The following MACF1 variants were observed in gnomAD, a reference collection of about 807,000 sequenced individuals.
MACF1 encodes the protein microtubule-actin cross-linking factor 1.
A neutral mutation model predicts 854.8 loss-of-function variants in MACF1; 193 were observed. The observed-to-expected ratio is 0.23, with a 90% CI of 0.20 to 0.25. The LOEUF (loss-of-function observed/expected upper bound fraction) is 0.25. MACF1 is among the 10% of genes least tolerant of loss of function. MACF1 has a pLI of 1.00. For synonymous variants in MACF1, 3,185 were observed against 3,226.7 expected (o/e 0.99, Z 0.44); for missense variants, 7,722 against 8,929.1 (o/e 0.86, Z 5.45).
chr1:39,422,853 C>T lies in MACF1; in HGVS notation c.16102C>T (p.Pro5368Ser), dbSNP rs1643590709. The change falls in exon 60 of 101, where the codon CCA becomes TCA. Residue 5368 changes from proline (P) to serine (S), a missense_variant. Pro to Ser is a moderately conservative substitution (Grantham distance 74, BLOSUM62 -1). Coordinates refer to ENST00000564288, the MANE Select transcript of MACF1 (RefSeq NM_001394062.1). ...GGAGCTCATAGCCAATCAGAAACCT[C>T]CATCTGCTGAGTATAAAGTGGTGAA... is the stretch of plus-strand genomic sequence containing the variant. Reference protein sequence around the residue: ...TEELIANQKPPSAEYKVVKAQ... With the variant: ...TEELIANQKPSSAEYKVVKAQ... 1.2e-6 allele frequency: 2 copies of T among 1,614,186 alleles called. No individual in the cohort carries two copies. Among genetic ancestry groups the T allele is most frequent in the South Asian group, 2.2e-5 (2 of 91,084 alleles).
upstream of MACF1, among the ~76,000 whole-genome samples, chr1:39,200,481 C>G (rs1238652880): frequency 6.6e-6 from 1 of 150,880 alleles, no homozygotes; most frequent in Non-Finnish European, 1.5e-5. Flanking sequence ...GGTGGATCAC[C>G]TGAGATCAGG....
At chr1:39,425,044 G>A (rs1643680295) in intron 61 of MACF1, among the ~76,000 whole-genome samples, 1 of 152,140 alleles carries the variant, frequency 6.6e-6, no homozygotes, top group African/African-American at 2.4e-5. Context: ...TAACTTACTT[G>A]TATTTCCAGA....
At chr1:39,262,247 C>A (rs777329912) in intron 6 of MACF1, among the ~76,000 whole-genome samples, 13 of 151,644 alleles carry the variant, frequency 8.6e-5, no homozygotes, top group Non-Finnish European at 1.3e-4. Flanking sequence ...ACTAAAAATA[C>A]AAAAATTAGC....
At chr1:39,133,100 C>T (rs527461393) in intron 2 of MACF1, among the ~76,000 whole-genome samples, 1 of 152,322 alleles carries the variant, frequency 6.6e-6, no homozygotes, top group Non-Finnish European at 1.5e-5. Context: ...TGGAACCTGG[C>T]TGGATGCCCC....
At chr1:39,371,786 G>T (rs1649265991) in intron 51 of MACF1, among the ~76,000 whole-genome samples, 1 of 147,326 alleles carries the variant, frequency 6.8e-6, no homozygotes, top group Admixed American at 6.8e-5. Flanking sequence ...GTTCCCTCTT[G>T]TCCATCTGGC....
chr1:39,302,954 C>G lies in MACF1; in HGVS notation c.2665C>G (p.Leu889Val). The G allele has an allele frequency of 6.8e-6, 11 of 1,614,064 alleles. No homozygotes were observed. Among genetic ancestry groups the G allele is most frequent in the Non-Finnish European group, 8.5e-6 (10 of 1,179,956 alleles). The change falls in exon 23 of 101, where the codon CTA (leucine) becomes GTA (valine). Residue 889 changes from leucine (L) to valine (V), a missense_variant. Physicochemically the swap from Leu to Val is conservative, Grantham distance 32. Transcript: ENST00000564288. Reference protein sequence around the residue: ...ITICKNDECVLEDNSQRTKWK... With the variant: ...ITICKNDECVVEDNSQRTKWK... The stretch of plus-strand genomic sequence containing the variant: ...TATTTGCAAAAATGATGAATGTGTG[C>G]TAGAAGATAATTCTCAGCGGACCAA...
At chr1:39,413,862 A>G in intron 58 of MACF1, 1 of 1,608,186 alleles carries the variant, frequency 6.2e-7, no homozygotes, top group Non-Finnish European at 8.5e-7. Context: ...CTTCCCCGGC[A>G]GCTTCAGTGC....
Position 39,251,929 on chromosome 1 carries a change from T to A in MACF1, c.345T>A (p.Asp115Glu). The A allele has an allele frequency of 2.0e-6, 3 of 1,504,108 alleles. No individual in the cohort carries two copies. The highest frequency in any genetic ancestry group is 1.3e-5 in the South Asian group (1 of 79,578). The allele number at this position is 1,504,108 out of a possible 1,614,324, so 93.2% of individuals were successfully genotyped here. A position where few individuals can be genotyped will look rare whatever the true frequency, so the allele number is the denominator to read the frequency against. The change falls in exon 4 of 101, where the codon GAT becomes GAA. Residue 115 changes from aspartate (D) to glutamate (E), a missense_variant. Physicochemically the swap from Asp to Glu is conservative, Grantham distance 45. This residue lies in a region of MACF1 where 82 missense variants were observed against 84.0 expected (regional missense o/e 0.98). Coordinates refer to ENST00000564288, the MANE Select transcript of MACF1 (RefSeq NM_001394062.1). ...ACAACGAGGAGCAGGCGGAGGAAGA[T>A]GATGATGATGTAGTAGGTCCTCCTG... The part of the protein sequence containing the change: ...HTNNEEQAEE[D>E]DDDVPREKGR...
chr1:39,475,970 G>A (rs1288801981), intron 97 of MACF1, among the ~76,000 whole-genome samples: 1 of 152,116 alleles, frequency 6.6e-6, no homozygotes, highest in Non-Finnish European at 1.5e-5. Flanking sequence ...TGAAGCCAGG[G>A]GAGGACAGGG....
chr1:39,146,885 T>C (rs66848709), intron 2 of MACF1, among the ~76,000 whole-genome samples: 24,912 of 152,236 alleles, frequency 0.16, 2,541 homozygotes, highest in Middle Eastern at 0.22. Context: ...CTTGAGGTGA[T>C]GGATACCCTA....
At chr1:39,304,017 CTT>C (rs956325667) in intron 23 of MACF1, among the ~76,000 whole-genome samples, 7 of 132,928 alleles carry the variant, frequency 5.3e-5, no homozygotes, top group Non-Finnish European at 3.3e-5. Flanking sequence ...CCATTTCTTT[CTT>C]TTTTTTTTTT....
rs576224881 is a variant in MACF1, at chr1:39,484,839, T to C, written c.22411+109T>C. Reference sequence around the variant, plus strand: ...AGCGGGTAATGAGAGTGGCACTTAGTGTGATGCCCAGAAAGACAGACCTGC... The same window carrying C: ...AGCGGGTAATGAGAGTGGCACTTAGCGTGATGCCCAGAAAGACAGACCTGC... On this transcript the variant is annotated intron_variant, in intron 100 of 100. Coordinates refer to ENST00000564288, the MANE Select transcript of MACF1 (RefSeq NM_001394062.1). 2.4e-5 allele frequency: 31 copies of C among 1,288,858 alleles called. No individual in the cohort carries two copies. The African/African-American group carries it at 3.8e-4, about 16-fold the overall frequency. The allele number at this position is 1,288,858 out of a possible 1,614,324, so 79.8% of individuals were successfully genotyped here. A position where few individuals can be genotyped will look rare whatever the true frequency, so the allele number is the denominator to read the frequency against.
At chr1:39,188,459 C>T (rs1314315611) in intron 2 of MACF1, among the ~76,000 whole-genome samples, 1 of 152,014 alleles carries the variant, frequency 6.6e-6, no homozygotes, top group Non-Finnish European at 1.5e-5. Context: ...TGGTGGGACT[C>T]GTTAACTGGT....
At position 39,485,705 on chromosome 1, in the gene MACF1, A is replaced by C; in HGVS notation, c.22579A>C (p.Arg7527=). ...SSAAGGQGNS[R]RGLNKPSKIP... ...CGCTGCAGGGGGCCAAGGCAACTCC[A>C]GGAGAGGGCTAAACAAACCTTCCAA... is the stretch of plus-strand genomic sequence containing the variant. Residue 7527 remains arginine, a synonymous_variant, in exon 101 of 101, where the codon AGG becomes CGG. Transcript: ENST00000564288. 3 of 1,614,064 alleles carry C rather than the reference A, an allele frequency of 1.9e-6. No individual in the cohort carries two copies. Among genetic ancestry groups the C allele is most frequent in the Non-Finnish European group, 2.5e-6 (3 of 1,179,980 alleles).
chr1:39,099,446 C>T (rs11581796), intron 2 of MACF1, among the ~76,000 whole-genome samples: 11,648 of 152,206 alleles, frequency 0.077, 529 homozygotes, highest in Non-Finnish European at 0.094. Flanking sequence ...CATGAGCCAC[C>T]GCACCTGGCC....
intron 30 of MACF1, among the ~76,000 whole-genome samples, 180 bp from the exon 31 acceptor site, chr1:39,319,484 C>G (rs532198400): frequency 6.6e-6 from 1 of 152,274 alleles, no homozygotes; most frequent in African/African-American, 2.4e-5. Flanking sequence ...AATTTGTGAA[C>G]CCAAACCCAC....
At chr1:39,414,558 G>T in intron 58 of MACF1, 1 of 1,573,120 alleles carries the variant, frequency 6.4e-7, no homozygotes. Flanking sequence ...GATGAGAAAT[G>T]GCACAGATAG....
intron 6 of MACF1, among the ~76,000 whole-genome samples, chr1:39,264,884 C>T (rs1478413669): frequency 6.6e-6 from 1 of 151,642 alleles, no homozygotes; most frequent in East Asian, 1.9e-4. Flanking sequence ...CCTTGTTAGC[C>T]AGGATGGTCT....
chr1:39,267,731 C>T (rs567946526), intron 6 of MACF1, among the ~76,000 whole-genome samples: 2 of 152,286 alleles, frequency 1.3e-5, no homozygotes, highest in Admixed American at 1.3e-4. Context: ...TATTGTTCAT[C>T]AGAGACCCTG....
Sources: gnomAD v4.1 joint callset for allele counts (sites outside exome capture counted in the v4.1 genomes callset) on GRCh38, gnomAD v4.1.1 for gene constraint, gnomAD v4.1.1 regional missense constraint, MANE v1.5 for transcripts, NCBI Gene and HGNC (gene_info 2026-07-23, HGNC 2026-07-21) for gene names.